PHACTR3: variants seen among roughly 807,000 people sequenced by gnomAD.
The protein encoded by PHACTR3 is phosphatase and actin regulator 3.
In PHACTR3, 16 loss-of-function variants were observed where a neutral mutation model predicts 66.8. The ratio of observed to expected loss-of-function variants is 0.24; its 90% CI spans 0.16 to 0.36. PHACTR3 has a LOEUF of 0.36. Among genes scored for constraint, PHACTR3 ranks in the 10% least tolerant of loss-of-function variants. The probability of loss-of-function intolerance (pLI) is 1.00; values close to 1 mark genes in which losing one functional copy is unlikely to be tolerated. For missense variants in PHACTR3, 647 were observed against 719.9 expected, an observed-to-expected ratio of 0.90 and a Z score of 1.16; for synonymous variants, 323 against 292.1, an observed-to-expected ratio of 1.11 and a Z score of -1.08.
chr20:59,821,036 C>A (rs1600715315), intron 8 of PHACTR3, among the ~76,000 whole-genome samples: 1 of 152,280 alleles, frequency 6.6e-6, no homozygotes, highest in Non-Finnish European at 1.5e-5. Flanking sequence ...AAGAGCACAA[C>A]CATAGCTCAC....
At chr20:59,682,233 G>C (rs566066761) in intron 1 of PHACTR3, among the ~76,000 whole-genome samples, 1 of 151,580 alleles carries the variant, frequency 6.6e-6, no homozygotes, top group Admixed American at 6.6e-5. Flanking sequence ...CCAGCTACTC[G>C]GCAGGCTGAG....
intron 1 of PHACTR3, among the ~76,000 whole-genome samples, chr20:59,711,556 C>G (rs534262665): frequency 6.6e-6 from 1 of 152,266 alleles, no homozygotes; most frequent in South Asian, 2.1e-4. Context: ...AATATCATGT[C>G]AAAAATGCAT....
Position 59,767,300 on chromosome 20 carries a change from G to A in PHACTR3, c.656G>A (p.Arg219Lys), listed in dbSNP as rs2040211185. The change falls in exon 5 of 13, where the codon AGA (arginine) becomes AAA (lysine). Residue 219 changes from arginine to lysine, a missense_variant. Physicochemically the swap from Arg to Lys is conservative, Grantham distance 26 (BLOSUM62 2). Around this residue, in one of 2 missense-constraint regions of PHACTR3, gnomAD observed 577 missense variants for 571.1 expected, o/e 1.01. Transcript: ENST00000371015. ...AGADSLDSPPRPLERSVGQLP... is the reference protein window; with the variant it reads ...AGADSLDSPPKPLERSVGQLP... ...GCTGACTCCCTGGACAGTCCTCCCAGACCTCTGGAGAGATCCGTGGGCCAG... is the reference window on the plus strand; with the variant it reads ...GCTGACTCCCTGGACAGTCCTCCCAAACCTCTGGAGAGATCCGTGGGCCAG... 6.2e-7 allele frequency: 1 copy of A among 1,614,210 alleles called. No individual in the cohort carries two copies.
intron 11 of PHACTR3, chr20:59,843,521 A>G (rs1321551462): frequency 1.3e-5 from 2 of 152,152 alleles, no homozygotes; most frequent in African/African-American, 4.8e-5. Context: ...GAAAACCCAG[A>G]AAAAATTCAC....
At chr20:59,686,774 T>C in intron 1 of PHACTR3, among the ~76,000 whole-genome samples, 1 of 149,450 alleles carries the variant, frequency 6.7e-6, no homozygotes, top group East Asian at 2.0e-4. Flanking sequence ...ATGATGGTGA[T>C]GATGATGGTG....
At position 59,632,193 on chromosome 20, in the gene PHACTR3, A is replaced by G. The variant is rs1004023253; in HGVS notation, c.118+27061A>G. ...TGCTCCAGGTTCCTGAGATGCTCACATCCTGGGATGTGCTGGGGTTGAGCA... is the reference window on the plus strand; with the variant it reads ...TGCTCCAGGTTCCTGAGATGCTCACGTCCTGGGATGTGCTGGGGTTGAGCA... On this transcript the variant is annotated intron_variant, in intron 1 of 12. Transcript: ENST00000371015. Among the ~76,000 whole-genome samples, 56 of 152,122 alleles carry G rather than the reference A, an allele frequency of 3.7e-4. 1 individual carries two copies. Among genetic ancestry groups the G allele is most frequent in the Admixed American group, 2.8e-3 (43 of 15,288 alleles).
intron 1 of PHACTR3, among the ~76,000 whole-genome samples, chr20:59,583,705 T>C (rs1441676381): frequency 6.6e-6 from 1 of 152,156 alleles, no homozygotes; most frequent in Non-Finnish European, 1.5e-5. Context: ...TTCCCTTGCA[T>C]AGGACTCCTA....
At chr20:59,833,482 T>G (rs2042444607) in intron 8 of PHACTR3, among the ~76,000 whole-genome samples, 1 of 152,208 alleles carries the variant, frequency 6.6e-6, no homozygotes, top group African/African-American at 2.4e-5. Context: ...CATTATCTCA[T>G]TTAATGCTCA....
In PHACTR3 at chr20:59,598,402, C is replaced by T. The variant is rs73623726; in HGVS notation, c.109+20785C>T. ...TTCTCACTTACACACGGAGGCTCAG[C>T]GGGGCCACACAGTCAGAAAATGTTG... On this transcript the variant is annotated intron_variant, in intron 1 of 12. Coordinates refer to the PHACTR3 transcript ENST00000359926. Among the ~76,000 whole-genome samples the T allele has an allele frequency of 6.8e-4, 103 of 152,292 alleles. 2 individuals carry two copies. The East Asian group carries it at 0.013, about 20-fold the overall frequency.
intron 1 of PHACTR3, 76 bp from the exon 2 acceptor site, chr20:59,743,030 AG>A: frequency 1.3e-6 from 2 of 1,489,660 alleles, no homozygotes; most frequent in Non-Finnish European, 1.8e-6. Flanking sequence ...TTAGGGTGAG[AG>A]GTCATCACCT....
chr20:59,821,487 C>CCA (rs2042027014), intron 8 of PHACTR3, among the ~76,000 whole-genome samples: 1 of 152,166 alleles, frequency 6.6e-6, no homozygotes, highest in African/African-American at 2.4e-5. Context: ...AGAAGCTCCT[C>CCA]CACACACATC....
chr20:59,642,140 G>T (rs910602306), intron 1 of PHACTR3, among the ~76,000 whole-genome samples: 1 of 152,172 alleles, frequency 6.6e-6, no homozygotes, highest in East Asian at 1.9e-4. Flanking sequence ...TCTGCAGAGC[G>T]TTAGAATTTG....
At chr20:59,603,931 C>T (rs2033561925), upstream of PHACTR3, 1 of 152,348 alleles carries the variant, frequency 6.6e-6, no homozygotes, top group Non-Finnish European at 1.5e-5. Flanking sequence ...CCTTAGCACC[C>T]TGGAGGACAC....
intron 3 of PHACTR3, among the ~76,000 whole-genome samples, chr20:59,753,565 CGTT>C (rs1172791495): frequency 2.0e-4 from 30 of 152,286 alleles, no homozygotes; most frequent in African/African-American, 7.2e-4. Flanking sequence ...CTCCTCTTCT[CGTT>C]GTCAGAAACC....
chr20:59,784,870 G>A (rs550913476), intron 7 of PHACTR3, among the ~76,000 whole-genome samples: 2 of 152,198 alleles, frequency 1.3e-5, no homozygotes, highest in Non-Finnish European at 2.9e-5. Context: ...ATACCGCAAG[G>A]GCTCATTCAA....
Position 59,749,092 on chromosome 20 carries a change from G to A in PHACTR3, c.358+1257G>A, listed in dbSNP as rs192315042. Among the ~76,000 whole-genome samples, 635 of 152,282 alleles carry A rather than the reference G, an allele frequency of 4.2e-3. 6 individuals carry two copies. Among genetic ancestry groups the A allele is most frequent in the Middle Eastern group, 0.041 (12 of 294 alleles). On this transcript the variant is annotated intron_variant, in intron 3 of 12. Coordinates refer to ENST00000371015, the MANE Select transcript of PHACTR3 (RefSeq NM_080672.5). ...CGAGGAAAGCTTGGTGTCAAGTCCC[G>A]TGGCACTCAGATGGTTAACGCCGTC...
intron 1 of PHACTR3, among the ~76,000 whole-genome samples, chr20:59,614,895 G>A (rs1600919611): frequency 6.6e-6 from 1 of 152,090 alleles, no homozygotes; most frequent in Admixed American, 6.5e-5. Flanking sequence ...GTGACTCTGC[G>A]TTTCTTGAGT....
chr20:59,767,805 A>G (rs552786092), intron 5 of PHACTR3, among the ~76,000 whole-genome samples: 3,403 of 151,576 alleles, frequency 0.022, 58 homozygotes, highest in Non-Finnish European at 0.035. Context: ...TTTCCTTTCC[A>G]TTCTGTTCCT....
intron 1 of PHACTR3, among the ~76,000 whole-genome samples, chr20:59,592,021 G>C (rs961575544): frequency 6.6e-6 from 1 of 152,046 alleles, no homozygotes; most frequent in Non-Finnish European, 1.5e-5. Flanking sequence ...TAAAACTTTT[G>C]TGCACGGCTT....
Sources: gnomAD v4.1 joint callset for allele counts (sites outside exome capture counted in the v4.1 genomes callset) on GRCh38, gnomAD v4.1.1 for gene constraint, gnomAD v4.1.1 regional missense constraint, MANE v1.5 for transcripts, NCBI Gene and HGNC (gene_info 2026-07-23, HGNC 2026-07-21) for gene names.